The following ITPR1 variants were observed in gnomAD, a reference collection of about 807,000 sequenced individuals.
The protein encoded by ITPR1 is inositol 1,4,5-trisphosphate receptor type 1.
In ITPR1, 96 loss-of-function variants were observed where a neutral mutation model predicts 318.4. The ratio of observed to expected loss-of-function variants is 0.30; its 90% CI spans 0.26 to 0.36. The LOEUF (loss-of-function observed/expected upper bound fraction) is 0.36. ITPR1 is among the 10% of genes least tolerant of loss of function. ITPR1 has a pLI of 1.00. For missense variants in ITPR1, 2,440 were observed against 3,460.2 expected (o/e 0.71, Z 7.40); for synonymous variants, 1,312 against 1,289.9 (o/e 1.02, Z -0.37).
At chr3:4,804,151 C>T (rs1334534296) in intron 54 of ITPR1, among the ~76,000 whole-genome samples, 1 of 152,190 alleles carries the variant, frequency 6.6e-6, no homozygotes, top group African/African-American at 2.4e-5. Flanking sequence ...GGATTATAGG[C>T]GTGAGCCACC....
chr3:4,553,120 T>G (rs527598552), intron 4 of ITPR1, among the ~76,000 whole-genome samples: 2 of 152,260 alleles, frequency 1.3e-5, no homozygotes, highest in African/African-American at 4.8e-5. Context: ...TAAAGTGCCA[T>G]GGGACCACAG....
At chr3:4,702,659 T>G (rs1427618297) in intron 35 of ITPR1, among the ~76,000 whole-genome samples, 171 bp from the exon 36 acceptor site, 1 of 152,208 alleles carries the variant, frequency 6.6e-6, no homozygotes, top group African/African-American at 2.4e-5. Flanking sequence ...GGAATTTAGC[T>G]CTTATCCAGG....
intron 38 of ITPR1, among the ~76,000 whole-genome samples, chr3:4,711,086 C>T (rs1298267044): frequency 6.6e-6 from 1 of 151,794 alleles, no homozygotes; most frequent in African/African-American, 2.4e-5. Context: ...GTGGCGGGCT[C>T]CTGTAATCCC....
chr3:4,560,043 A>T (rs2086519786), intron 4 of ITPR1, among the ~76,000 whole-genome samples: 1 of 152,180 alleles, frequency 6.6e-6, no homozygotes, highest in Non-Finnish European at 1.5e-5. Context: ...TCTATGTCTC[A>T]GTTTCCTCAT....
At chr3:4,712,618 C>G (rs557307254) in intron 39 of ITPR1, among the ~76,000 whole-genome samples, 1 of 152,294 alleles carries the variant, frequency 6.6e-6, no homozygotes, top group African/African-American at 2.4e-5. Context: ...ACTGACTTAT[C>G]AAAATACCCA....
intron 49 of ITPR1, among the ~76,000 whole-genome samples, chr3:4,780,545 G>A (rs578068903): frequency 8.5e-5 from 13 of 152,108 alleles, no homozygotes; most frequent in Non-Finnish European, 1.6e-4. Flanking sequence ...CTTTTTCCAC[G>A]CTAATAAACT....
intron 4 of ITPR1, among the ~76,000 whole-genome samples, chr3:4,599,838 T>C (rs2125080161): frequency 6.6e-6 from 1 of 152,268 alleles, no homozygotes; most frequent in East Asian, 1.9e-4. Context: ...CAGTGTCAGG[T>C]TGGAGTGCCA....
chr3:4,518,324 T>TA (rs1438319146), intron 3 of ITPR1, among the ~76,000 whole-genome samples: 1 of 152,228 alleles, frequency 6.6e-6, no homozygotes, highest in Non-Finnish European at 1.5e-5. Flanking sequence ...ATCTCTTCTT[T>TA]AAAATCATAT....
intron 4 of ITPR1, among the ~76,000 whole-genome samples, chr3:4,622,709 G>A (rs113484727): frequency 7.2e-5 from 11 of 152,122 alleles, no homozygotes; most frequent in South Asian, 4.1e-4. Flanking sequence ...CACCGCACCC[G>A]GCCTAAACAT....
chr3:4,541,589 A>G (rs1368877385), intron 4 of ITPR1, among the ~76,000 whole-genome samples: 1 of 151,636 alleles, frequency 6.6e-6, no homozygotes, highest in Non-Finnish European at 1.5e-5. Context: ...GTTTTTTGTT[A>G]GCAATTATGG....
chr3:4,802,385 G>A (rs538242450), intron 54 of ITPR1, among the ~76,000 whole-genome samples: 16 of 152,314 alleles, frequency 1.1e-4, no homozygotes, highest in South Asian at 2.1e-4. Flanking sequence ...AATGCATTCA[G>A]TATGGCTTGT....
intron 49 of ITPR1, among the ~76,000 whole-genome samples, chr3:4,780,021 G>A (rs1463829922): frequency 6.6e-6 from 1 of 151,910 alleles, no homozygotes; most frequent in African/African-American, 2.4e-5. Flanking sequence ...GGACAGTGTG[G>A]TTACGGAACC....
chr3:4,561,505 T>G (rs1032512499), intron 4 of ITPR1, among the ~76,000 whole-genome samples: 1 of 152,188 alleles, frequency 6.6e-6, no homozygotes, highest in Admixed American at 6.5e-5. Context: ...ATATGTGTCC[T>G]AAGAACGAAA....
chr3:4,691,475 C>T (rs184657067), intron 32 of ITPR1, 131 bp downstream of exon 32: 3 of 619,344 alleles, frequency 4.8e-6, no homozygotes, highest in African/African-American at 3.7e-5. Context: ...ATTGTGTGTG[C>T]ATATGTCTGT....
At chr3:4,528,195 T>C (rs1401486601) in intron 4 of ITPR1, among the ~76,000 whole-genome samples, 1 of 152,196 alleles carries the variant, frequency 6.6e-6, no homozygotes, top group Non-Finnish European at 1.5e-5. Context: ...CCCCATCTGT[T>C]AAATTGGGTT....
chr3:4,697,344 G>T (rs2094575870), intron 34 of ITPR1, 72 bp downstream of exon 34: 1 of 1,418,838 alleles, frequency 7.0e-7, no homozygotes, highest in African/African-American at 1.5e-5. Context: ...GTGTGTGTGT[G>T]TGTGTGTGTA....
chr3:4,763,292 C>G (rs2045580074), intron 44 of ITPR1, among the ~76,000 whole-genome samples: 1 of 152,090 alleles, frequency 6.6e-6, no homozygotes. Context: ...ACAGGTGCAG[C>G]AAACCACCAT....
intron 5 of ITPR1, among the ~76,000 whole-genome samples, chr3:4,633,823 G>T (rs1368106922): frequency 2.0e-5 from 3 of 152,214 alleles, no homozygotes; most frequent in Non-Finnish European, 2.9e-5. Context: ...GCTTTGACCA[G>T]CTAGGAAGAG....
intron 12 of ITPR1, among the ~76,000 whole-genome samples, chr3:4,656,506 T>G (rs1225074562): frequency 6.6e-6 from 1 of 152,098 alleles, no homozygotes; most frequent in East Asian, 1.9e-4. Flanking sequence ...TTTGTGCAAG[T>G]AAAGGGATGA....
Sources: allele counts gnomAD v4.1 joint callset (sites outside exome capture counted in the v4.1 genomes callset), GRCh38; gene constraint gnomAD v4.1.1; transcripts MANE v1.5; gene names NCBI Gene and HGNC (gene_info 2026-07-23, HGNC 2026-07-21).